Variants in ZNF333 observed in about 807,000 individuals in gnomAD.
The protein encoded by ZNF333 is zinc finger protein 333.
Under a neutral mutation model 76.1 loss-of-function variants are expected in ZNF333, and 61 were observed. The observed-to-expected ratio is 0.80, with a 90% confidence interval of 0.65 to 0.99. ZNF333 has a LOEUF of 0.99. ZNF333 is among the 50% of genes least tolerant of loss of function. The pLI, the probability that ZNF333 is intolerant of heterozygous loss-of-function variation, is 0.00. For missense variants in ZNF333, 717 were observed against 822.4 expected (o/e 0.87, Z 1.57); for synonymous variants, 284 against 305.0 (o/e 0.93, Z 0.72).
intron 4 of ZNF333, among the ~76,000 whole-genome samples, chr19:14,696,029 G>T (rs12611375): frequency 0.08 from 12,233 of 152,112 alleles, 741 homozygotes; most frequent in African/African-American, 0.17. Context: ...AAATTAGCCG[G>T]ATGTGATGGT....
intron 8 of ZNF333, among the ~76,000 whole-genome samples, 160 bp from the exon 9 acceptor site, chr19:14,715,952 C>T (rs2042416819): frequency 6.6e-6 from 1 of 152,156 alleles, no homozygotes; most frequent in Non-Finnish European, 1.5e-5. Flanking sequence ...AGTTCTAGTT[C>T]AGAGTCCTGA....
intron 6 of ZNF333, 39 bp downstream of exon 6, chr19:14,705,209 C>T: frequency 6.3e-7 from 1 of 1,577,844 alleles, no homozygotes; most frequent in Non-Finnish European, 8.7e-7. Context: ...GCACCAGGTG[C>T]AGTCAGGAAG....
rs1410023305 is a variant in ZNF333, at chr19:14,706,682, C to T, written c.424-4C>T. 6.2e-7 allele frequency: 1 copy of T among 1,613,482 alleles called. No homozygotes were observed. On this transcript the variant is annotated splice_polypyrimidine_tract_variant and splice_region_variant and intron_variant, in intron 6 of 11. Coordinates refer to ENST00000292530, the MANE Select transcript of ZNF333 (RefSeq NM_032433.4). ...TAATCTGTGACCCCTGTCACTCTGT[C>T]CAGGGACTGAAGGCCGCTATGCAGA... is the stretch of plus-strand genomic sequence containing the variant.
At chr19:14,697,033 G>A (rs1190086248) in intron 4 of ZNF333, among the ~76,000 whole-genome samples, 5 of 152,078 alleles carry the variant, frequency 3.3e-5, no homozygotes, top group Non-Finnish European at 5.9e-5. Context: ...CATTGTGCCC[G>A]GCCACCTAAT....
chr19:14,717,804 A>G, intron 11 of ZNF333, 71 bp downstream of exon 11: 1 of 1,484,120 alleles, frequency 6.7e-7, no homozygotes. Context: ...TAAGTTAGAA[A>G]AGCAGCCCAA....
intron 5 of ZNF333, chr19:14,701,973 G>A: frequency 4.4e-6 from 4 of 908,218 alleles, no homozygotes; most frequent in Non-Finnish European, 5.3e-6. Flanking sequence ...TCTACTGCCT[G>A]ACGATCATAC....
At chr19:14,704,156 C>G (rs915157654) in intron 5 of ZNF333, among the ~76,000 whole-genome samples, 1 of 152,168 alleles carries the variant, frequency 6.6e-6, no homozygotes, top group African/African-American at 2.4e-5. Flanking sequence ...TTCAGGGGCT[C>G]TGTCCTAACC....
At chr19:14,729,086 T>C (rs1427344378) in intron 11 of ZNF333, among the ~76,000 whole-genome samples, 1 of 152,122 alleles carries the variant, frequency 6.6e-6, no homozygotes, top group African/African-American at 2.4e-5. Flanking sequence ...AGGGAACAGA[T>C]GTGAGTTATT....
chr19:14,728,290 C>T (rs951107754), intron 11 of ZNF333, among the ~76,000 whole-genome samples: 2 of 152,168 alleles, frequency 1.3e-5, no homozygotes, highest in African/African-American at 4.8e-5. Context: ...GATAATTCTT[C>T]GAATATTTTT....
intron 5 of ZNF333, among the ~76,000 whole-genome samples, chr19:14,702,547 A>G (rs1344589847): frequency 2.0e-5 from 3 of 152,092 alleles, no homozygotes; most frequent in African/African-American, 7.2e-5. Context: ...AAACTCCCCA[A>G]GGGAGGCTGA....
chr19:14,728,126 T>C (rs1422617584), intron 11 of ZNF333, among the ~76,000 whole-genome samples: 2 of 152,076 alleles, frequency 1.3e-5, no homozygotes, highest in Non-Finnish European at 2.9e-5. Context: ...GGCAGGAGAA[T>C]GGCGTGAGCC....
chr19:14,710,991 G>T (rs1418882836), intron 7 of ZNF333, among the ~76,000 whole-genome samples: 1 of 151,896 alleles, frequency 6.6e-6, no homozygotes, highest in African/African-American at 2.4e-5. Context: ...GAAGGGAAGG[G>T]AAGGGGGAAA....
chr19:14,708,679 C>T (rs184286794), intron 7 of ZNF333: 39 of 293,220 alleles, frequency 1.3e-4, no homozygotes, highest in Admixed American at 3.1e-4. Flanking sequence ...CTAGATGCTA[C>T]GAGCACTTTT....
chr19:14,704,467 T>G (rs754059092), intron 5 of ZNF333, among the ~76,000 whole-genome samples: 1 of 152,158 alleles, frequency 6.6e-6, no homozygotes, highest in African/African-American at 2.4e-5. Context: ...GTATTTTTAG[T>G]AGAGATGGGT....
At chr19:14,695,784 A>C (rs1463664172) in intron 4 of ZNF333, 123 bp downstream of exon 4, 1 of 752,936 alleles carries the variant, frequency 1.3e-6, no homozygotes, top group African/African-American at 1.7e-5. Context: ...ATTCGGAGTG[A>C]GGTTTCTCAA....
chr19:14,719,462 T>A lies in ZNF333; in HGVS notation c.*137T>A, dbSNP rs2042542153. 8.7e-7 allele frequency: 1 copy of A among 1,147,948 alleles called. No individual in the cohort carries two copies. Among genetic ancestry groups the A allele is most frequent in the Non-Finnish European group, 1.2e-6 (1 of 843,688 alleles). 71.1% of individuals were successfully genotyped at this position (1,147,948 alleles called of 1,614,324 possible). ...AGTATTGTCTTAACCTCCATTATCG[T>A]TTATTCTTTGACCCATCTATTATTT... On this transcript the variant is annotated 3_prime_UTR_variant, in exon 12 of 12. Coordinates refer to ENST00000292530, the MANE Select transcript of ZNF333 (RefSeq NM_032433.4).
In ZNF333 at chr19:14,702,980, G is replaced by A. The variant is rs576837021; in HGVS notation, c.307-2074G>A. ...AGCACTTTGGGAGGCCGAGGCGGGCGGATCATGAGGTCAGGAGATCGAGAC... is the reference window on the plus strand; with the variant it reads ...AGCACTTTGGGAGGCCGAGGCGGGCAGATCATGAGGTCAGGAGATCGAGAC... On this transcript the variant is annotated intron_variant, in intron 5 of 11. Coordinates refer to ENST00000292530, the MANE Select transcript of ZNF333 (RefSeq NM_032433.4). Among the ~76,000 whole-genome samples, 6 of 151,976 alleles carry A rather than the reference G, an allele frequency of 3.9e-5. No homozygotes were observed. The East Asian group carries it at 7.7e-4, about 20-fold the overall frequency.
intron 10 of ZNF333, chr19:14,717,362 T>G: frequency 1.8e-6 from 1 of 543,398 alleles, no homozygotes; most frequent in Non-Finnish European, 3.3e-6. Context: ...CACTGTACAT[T>G]CTTGCTAATA....
At chr19:14,700,838 C>G (rs907175778) in intron 5 of ZNF333, among the ~76,000 whole-genome samples, 1 of 152,184 alleles carries the variant, frequency 6.6e-6, no homozygotes, top group African/African-American at 2.4e-5. Flanking sequence ...TGGGTGTCAG[C>G]ATCAGAGCGT....
Sources: gnomAD v4.1 joint callset for allele counts (sites outside exome capture counted in the v4.1 genomes callset) on GRCh38, gnomAD v4.1.1 for gene constraint, MANE v1.5 for transcripts, NCBI Gene and HGNC (gene_info 2026-07-23, HGNC 2026-07-21) for gene names.